Variants in NRG1 observed in about 807,000 individuals in gnomAD.
NRG1 encodes neuregulin 1.
NRG1 carries 18 observed loss-of-function variants against 63.8 expected under a neutral mutation model. The observed-to-expected ratio is 0.28, with a 90% CI of 0.19 to 0.42. The LOEUF (loss-of-function observed/expected upper bound fraction) is 0.42. NRG1 is among the 10% of genes least tolerant of loss of function. The pLI is 1.00. For missense variants in NRG1, 762 were observed against 814.7 expected, an observed-to-expected ratio of 0.94 and a Z score of 0.79; for synonymous variants, 302 against 301.3, an observed-to-expected ratio of 1.00 and a Z score of -0.02.
intron 1 of NRG1, among the ~76,000 whole-genome samples, chr8:32,465,089 C>T (rs1196746470): frequency 6.6e-5 from 10 of 152,116 alleles, no homozygotes; most frequent in Middle Eastern, 3.2e-3. Context: ...GCAAGAGAAT[C>T]GCTTGAATCT....
chr8:32,234,125 A>G, intron 1 of NRG1, among the ~76,000 whole-genome samples: 1 of 152,236 alleles, frequency 6.6e-6, no homozygotes, highest in South Asian at 2.1e-4. Flanking sequence ...TTTACATGCA[A>G]GAGAAATTGA....
chr8:32,700,644 ATAGAGT>A (rs748534056), intron 5 of NRG1, among the ~76,000 whole-genome samples: 19 of 152,208 alleles, frequency 1.2e-4, no homozygotes, highest in African/African-American at 3.1e-4. Context: ...AGCTGAAAGA[ATAGAGT>A]TAAAGTTTGT....
downstream of NRG1, among the ~76,000 whole-genome samples, chr8:32,772,070 T>A (rs71506529): frequency 0.72 from 61,650 of 86,042 alleles, 20,902 homozygotes; most frequent in Middle Eastern, 0.8. Context: ...TATATATATA[T>A]ATATATATAT....
In NRG1 at chr8:31,802,544, C is replaced by T. The variant is rs370737343; in HGVS notation, c.37+163113C>T. On this transcript the variant is annotated intron_variant, in intron 1 of 10. Transcript: ENST00000519301. ...GTTGATATCTAGTAGGAGTTATTTA[C>T]ATGCTGCTATTTCTGATGCTTCCTA... is the stretch of plus-strand genomic sequence containing the variant. 7.1e-4 allele frequency among the ~76,000 whole-genome samples: 108 copies of T among 152,252 alleles called. 2 individuals are homozygous for T. The South Asian group carries it at 0.022, about 31-fold the overall frequency.
intron 1 of NRG1, among the ~76,000 whole-genome samples, chr8:32,172,499 T>C (rs12543894): frequency 0.47 from 70,875 of 151,918 alleles, 18,392 homozygotes; most frequent in Admixed American, 0.59. Flanking sequence ...GGATGGAGTA[T>C]GACTTTGATG....
At chr8:31,690,977 G>A (rs1257256835) in intron 1 of NRG1, among the ~76,000 whole-genome samples, 1 of 152,148 alleles carries the variant, frequency 6.6e-6, no homozygotes, top group African/African-American at 2.4e-5. Context: ...CATAATAGAT[G>A]CTGAGTGAAC....
chr8:31,775,096 A>G (rs1351934506), intron 1 of NRG1, among the ~76,000 whole-genome samples: 2 of 152,210 alleles, frequency 1.3e-5, no homozygotes, highest in Non-Finnish European at 2.9e-5. Context: ...CCAGATATCT[A>G]CACAAAAGAA....
intron 1 of NRG1, among the ~76,000 whole-genome samples, chr8:31,894,155 T>C (rs1831372472): frequency 6.6e-6 from 1 of 152,164 alleles, no homozygotes; most frequent in Non-Finnish European, 1.5e-5. Flanking sequence ...TGTACCCATG[T>C]ATATGGGGAA....
chr8:32,721,823 G>A (rs1820720377), intron 5 of NRG1: 8 of 1,360,568 alleles, frequency 5.9e-6, no homozygotes, highest in Admixed American at 3.6e-5. Flanking sequence ...AGCTACATTA[G>A]GTGGCACAGC....
intron 1 of NRG1, among the ~76,000 whole-genome samples, chr8:32,208,234 T>C (rs558209700): frequency 2.8e-4 from 42 of 151,912 alleles, no homozygotes; most frequent in African/African-American, 9.7e-4. Context: ...GAGGAGGTTG[T>C]AAGGAAATGG....
chr8:31,890,059 C>T (rs940065757), intron 1 of NRG1, among the ~76,000 whole-genome samples: 1 of 152,160 alleles, frequency 6.6e-6, no homozygotes, highest in African/African-American at 2.4e-5. Flanking sequence ...GTGTTCTGTA[C>T]ATTGCAGGAT....
intron 1 of NRG1, among the ~76,000 whole-genome samples, chr8:32,019,882 T>C (rs1012974414): frequency 1.8e-4 from 28 of 152,236 alleles, no homozygotes; most frequent in Non-Finnish European, 8.8e-5. Flanking sequence ...TAGTTTATTA[T>C]GCTCGTTTGG....
chr8:32,596,785 A>G (rs1402443419), intron 2 of NRG1, among the ~76,000 whole-genome samples: 1 of 152,134 alleles, frequency 6.6e-6, no homozygotes, highest in Non-Finnish European at 1.5e-5. Flanking sequence ...TTAATGATAT[A>G]ATTTTATCTA....
chr8:32,393,325 C>T, intron 1 of NRG1, among the ~76,000 whole-genome samples: 1 of 152,166 alleles, frequency 6.6e-6, no homozygotes, highest in Non-Finnish European at 1.5e-5. Context: ...TCAACAGAAG[C>T]TTGTGTTAGT....
At chr8:32,211,480 A>G (rs914448328) in intron 1 of NRG1, among the ~76,000 whole-genome samples, 2 of 152,194 alleles carry the variant, frequency 1.3e-5, no homozygotes, top group Non-Finnish European at 1.5e-5. Context: ...AATAGACATC[A>G]TCATTATCCT....
chr8:32,728,103 G>T, intron 6 of NRG1, 25 bp downstream of exon 6: 2 of 1,613,142 alleles, frequency 1.2e-6, no homozygotes, highest in Non-Finnish European at 1.7e-6. Context: ...CCTGTGTGTC[G>T]CTTATGTCTA....
At chr8:31,746,014 T>C (rs991696920) in intron 1 of NRG1, among the ~76,000 whole-genome samples, 1 of 151,902 alleles carries the variant, frequency 6.6e-6, no homozygotes, top group Admixed American at 6.6e-5. Flanking sequence ...ACTACTTTGG[T>C]TGAAATTCTG....
intron 1 of NRG1, among the ~76,000 whole-genome samples, chr8:32,585,962 T>C (rs1841539786): frequency 2.0e-5 from 3 of 152,176 alleles, no homozygotes; most frequent in South Asian, 2.1e-4. Flanking sequence ...CGTGTGACTA[T>C]AGACAGGTTA....
Position 31,925,171 on chromosome 8 carries a change from T to TACG in NRG1, c.37+285740_37+285741insACG, listed in dbSNP as rs1585805953. On this transcript the variant is annotated intron_variant, in intron 1 of 10. Transcript: ENST00000519301. ...GTATACATATATATGTATACATATA[T>TACG]TTGCTTTTGACTTGTTTCCTCAGCT... Among the ~76,000 whole-genome samples the TACG allele has an allele frequency of 6.2e-4, 92 of 148,492 alleles. 12 individuals carry two copies. The highest frequency in any genetic ancestry group is 1.6e-3 in the East Asian group (8 of 5,130).
Sources: allele counts gnomAD v4.1 joint callset (sites outside exome capture counted in the v4.1 genomes callset), GRCh38; gene constraint gnomAD v4.1.1; transcripts MANE v1.5; gene names NCBI Gene and HGNC (gene_info 2026-07-23, HGNC 2026-07-21).